RIMS2: variants seen among roughly 807,000 people sequenced by gnomAD.
RIMS2 encodes regulating synaptic membrane exocytosis protein 2.
A neutral mutation model predicts 174.4 loss-of-function variants in RIMS2; 59 were observed. The ratio of observed to expected loss-of-function variants is 0.34; its 90% CI spans 0.27 to 0.42. RIMS2 has a LOEUF of 0.42. RIMS2 is among the 10% of genes least tolerant of loss of function. The pLI, the probability that RIMS2 is intolerant of heterozygous loss-of-function variation, is 1.00. For missense variants in RIMS2, 1,620 were observed against 1,666.3 expected, an observed-to-expected ratio of 0.97 and a Z score of 0.48; for synonymous variants, 606 against 572.5, an observed-to-expected ratio of 1.06 and a Z score of -0.84.
intron 19 of RIMS2, among the ~76,000 whole-genome samples, chr8:104,152,709 T>C (rs1451460459): frequency 6.6e-6 from 1 of 152,098 alleles, no homozygotes; most frequent in Non-Finnish European, 1.5e-5. Context: ...TCTTCAGACA[T>C]AAATATATAA....
At chr8:103,867,065 T>G (rs1169614576) in intron 3 of RIMS2, among the ~76,000 whole-genome samples, 1 of 151,946 alleles carries the variant, frequency 6.6e-6, no homozygotes, top group Admixed American at 6.6e-5. Context: ...ACTAAATGTT[T>G]AATATAAAAA....
At chr8:104,050,193 A>T (rs1249480882) in intron 19 of RIMS2, among the ~76,000 whole-genome samples, 1 of 152,124 alleles carries the variant, frequency 6.6e-6, no homozygotes, top group Non-Finnish European at 1.5e-5. Context: ...TTCTACTATA[A>T]AGATATTTTA....
chr8:103,501,130 C>T, intron 1 of RIMS2, 68 bp downstream of exon 1: 1 of 1,263,974 alleles, frequency 7.9e-7, no homozygotes, highest in Admixed American at 2.7e-5. Context: ...TGCCCTGCGG[C>T]CGCCTGCGCG....
chr8:103,942,053 T>C (rs1438323950), intron 13 of RIMS2, among the ~76,000 whole-genome samples: 2 of 152,138 alleles, frequency 1.3e-5, no homozygotes, highest in African/African-American at 4.8e-5. Context: ...TGGGTAAACA[T>C]GTTTCATGGG....
chr8:103,890,216 C>T (rs929453568), intron 4 of RIMS2, among the ~76,000 whole-genome samples: 1 of 151,906 alleles, frequency 6.6e-6, no homozygotes, highest in African/African-American at 2.4e-5. Context: ...GTTGGTTTCA[C>T]CTCTTCCAAG....
rs563288322 is a variant in RIMS2, at chr8:104,226,242, AAATT to A, written c.3335-18671_3335-18668del. 4.3e-3 allele frequency among the ~76,000 whole-genome samples: 652 copies of A among 152,334 alleles called. 8 individuals carry two copies. Among genetic ancestry groups the A allele is most frequent in the African/African-American group, 0.015 (636 of 41,574 alleles). On this transcript the variant is annotated intron_variant, in intron 19 of 23. Coordinates refer to ENST00000504942, the Ensembl canonical transcript of RIMS2. ...ATGATTTAACCAGTGTGATTTGACTAAATTAACCAATCAGTTCAGTAAGCCAGTC... is the reference window on the plus strand; with the variant it reads ...ATGATTTAACCAGTGTGATTTGACTAAACCAATCAGTTCAGTAAGCCAGTC...
chr8:103,804,469 A>G (rs1272811010), intron 3 of RIMS2, among the ~76,000 whole-genome samples: 1 of 149,258 alleles, frequency 6.7e-6, no homozygotes, highest in Non-Finnish European at 1.5e-5. Flanking sequence ...AGATTATATA[A>G]GGTAACATAA....
intron 19 of RIMS2, among the ~76,000 whole-genome samples, chr8:104,046,571 G>A (rs1301063635): frequency 2.0e-5 from 3 of 151,968 alleles, no homozygotes; most frequent in Non-Finnish European, 1.5e-5. Flanking sequence ...ATATGTGCAT[G>A]TACGGACACA....
In RIMS2 at chr8:104,130,835, C is replaced by T. The variant is rs560861506; in HGVS notation, c.3335-114081C>T. Among the ~76,000 whole-genome samples the T allele has an allele frequency of 2.3e-4, 35 of 151,934 alleles. No homozygotes were observed. The East Asian group carries it at 3.1e-3, about 13-fold the overall frequency. Reference sequence around the variant, plus strand: ...TAAACCAAGTGGCCATGTGCAAGAACGGTATTTATGAAAGAGAAAAAAGCA... The same window carrying T: ...TAAACCAAGTGGCCATGTGCAAGAATGGTATTTATGAAAGAGAAAAAAGCA... On this transcript the variant is annotated intron_variant, in intron 19 of 23. Coordinates refer to ENST00000504942, the Ensembl canonical transcript of RIMS2.
rs1360716607 is a variant in RIMS2, at chr8:103,773,382, G to A, written c.698+6845G>A. On this transcript the variant is annotated intron_variant, in intron 3 of 23. Transcript: ENST00000504942. ...AGCTGTTTATAAAAAAATATGAATT[G>A]CTAGTAAGTACAAGAAATGTCCTAT... is the stretch of plus-strand genomic sequence containing the variant. Among the ~76,000 whole-genome samples the A allele has an allele frequency of 2.0e-5, 3 of 152,154 alleles. No homozygotes were observed. In the East Asian group the frequency reaches 5.8e-4, roughly 29 times the overall value.
intron 4 of RIMS2, among the ~76,000 whole-genome samples, chr8:103,896,056 GT>G (rs1432420905): frequency 2.6e-5 from 4 of 151,648 alleles, no homozygotes; most frequent in African/African-American, 7.3e-5. Flanking sequence ...TGTCTAAGAA[GT>G]GGTATAATTT....
At position 104,102,264 on chromosome 8, in the gene RIMS2, T is replaced by C. The variant is rs1161198673; in HGVS notation, c.3334+87649T>C. 2.0e-5 allele frequency among the ~76,000 whole-genome samples: 3 copies of C among 152,096 alleles called. 1 individual carries two copies. Among genetic ancestry groups the C allele is most frequent in the African/African-American group, 7.2e-5 (3 of 41,428 alleles). On this transcript the variant is annotated intron_variant, in intron 19 of 23. Transcript: ENST00000504942. ...GCAGCCAAAATAAATAACTTACTCC[T>C]CCTTCTATACACTCAGTCTCAGTGC... is the stretch of plus-strand genomic sequence containing the variant.
At chr8:103,763,316 C>G (rs2098132319) in intron 2 of RIMS2, among the ~76,000 whole-genome samples, 1 of 151,940 alleles carries the variant, frequency 6.6e-6, no homozygotes, top group East Asian at 1.9e-4. Context: ...CATGCCCATA[C>G]TCCCAGCTAC....
chr8:104,124,335 A>G lies in RIMS2; in HGVS notation c.3334+109720A>G, dbSNP rs2098411040. On this transcript the variant is annotated intron_variant, in intron 19 of 23. Coordinates refer to ENST00000504942, the Ensembl canonical transcript of RIMS2. ...GCTTGCCAGTGGACTTAGAAATATA[A>G]CCATAAAAATCTTTTCTAAGCACAG... 2.0e-5 allele frequency among the ~76,000 whole-genome samples: 3 copies of G among 152,120 alleles called. No individual in the cohort carries two copies. The South Asian group carries it at 6.2e-4, about 32-fold the overall frequency.
chr8:103,671,163 C>T (rs907963457), intron 1 of RIMS2, among the ~76,000 whole-genome samples: 4 of 151,634 alleles, frequency 2.6e-5, no homozygotes, highest in African/African-American at 9.7e-5. Context: ...TCTTGTGAGA[C>T]TTATTCACTA....
At chr8:104,089,158 G>A (rs1302316188) in intron 19 of RIMS2, among the ~76,000 whole-genome samples, 5 of 151,938 alleles carry the variant, frequency 3.3e-5, no homozygotes, top group Non-Finnish European at 7.4e-5. Flanking sequence ...CCATTAAAGA[G>A]AATGGTTAAC....
At chr8:104,218,540 T>C (rs2099141402) in intron 19 of RIMS2, among the ~76,000 whole-genome samples, 1 of 152,200 alleles carries the variant, frequency 6.6e-6, no homozygotes, top group Non-Finnish European at 1.5e-5. Context: ...TACATTGTTG[T>C]ATATAATGAA....
chr8:104,106,719 A>G (rs1248722242), intron 19 of RIMS2, among the ~76,000 whole-genome samples: 2 of 152,298 alleles, frequency 1.3e-5, no homozygotes, highest in African/African-American at 2.4e-5. Flanking sequence ...ATCACATTCA[A>G]TATTTATTTT....
intron 19 of RIMS2, among the ~76,000 whole-genome samples, chr8:104,189,673 C>T (rs1373328222): frequency 2.0e-5 from 3 of 149,718 alleles, no homozygotes; most frequent in Non-Finnish European, 4.4e-5. Context: ...TATATAGTCT[C>T]TCTATATATA....
Sources: gnomAD v4.1 joint callset for allele counts (sites outside exome capture counted in the v4.1 genomes callset) on GRCh38, gnomAD v4.1.1 for gene constraint, MANE v1.5 for transcripts, NCBI Gene and HGNC (gene_info 2026-07-23, HGNC 2026-07-21) for gene names.